Variants in KCNIP4 observed in about 807,000 individuals in gnomAD.
KCNIP4 encodes the protein potassium voltage-gated channel interacting protein 4.
A neutral mutation model predicts 34.0 loss-of-function variants in KCNIP4; 12 were observed. That is an observed-to-expected ratio of 0.35 (90% CI 0.23 to 0.57). KCNIP4 has a LOEUF of 0.57. Ranked by LOEUF, KCNIP4 falls within the 20% of genes least tolerant of loss-of-function variation. The probability of loss-of-function intolerance (pLI) is 0.83; values close to 1 mark genes in which losing one functional copy is unlikely to be tolerated. For missense variants in KCNIP4, 238 were observed against 311.7 expected (o/e 0.76, Z 1.78); for synonymous variants, 124 against 102.2 (o/e 1.21, Z -1.29).
intron 1 of KCNIP4, among the ~76,000 whole-genome samples, chr4:21,736,140 C>T (rs898668903): frequency 2.6e-5 from 4 of 152,158 alleles, no homozygotes; most frequent in African/African-American, 9.7e-5. Context: ...CTCTCAACTC[C>T]TATTTGGATT....
chr4:20,858,434 C>G (rs752426693), intron 2 of KCNIP4, among the ~76,000 whole-genome samples: 1 of 152,032 alleles, frequency 6.6e-6, no homozygotes, highest in Admixed American at 6.6e-5. Context: ...ATATATCTAC[C>G]TATATTCAAA....
At chr4:21,757,904 T>C (rs752135460) in intron 1 of KCNIP4, among the ~76,000 whole-genome samples, 2 of 152,174 alleles carry the variant, frequency 1.3e-5, no homozygotes, top group Non-Finnish European at 2.9e-5. Flanking sequence ...TCCATGCAGA[T>C]GAAAAGACAT....
intron 1 of KCNIP4, among the ~76,000 whole-genome samples, chr4:21,541,389 T>A (rs563528059): frequency 1.3e-5 from 2 of 152,226 alleles, no homozygotes; most frequent in Admixed American, 6.5e-5. Flanking sequence ...CCCTTTTCCT[T>A]TCCCTGAGGG....
chr4:21,544,463 T>C (rs1737972646), intron 1 of KCNIP4: 2 of 152,216 alleles, frequency 1.3e-5, no homozygotes, highest in South Asian at 4.1e-4. Context: ...GAAATCCAAG[T>C]ATAGCTGGCT....
chr4:20,888,623 C>G (rs927600334), intron 1 of KCNIP4, among the ~76,000 whole-genome samples: 1 of 152,084 alleles, frequency 6.6e-6, no homozygotes, highest in Non-Finnish European at 1.5e-5. Flanking sequence ...AGACTAAACA[C>G]TCTTTGTTTT....
chr4:21,403,900 C>T (rs962407048), intron 1 of KCNIP4, among the ~76,000 whole-genome samples: 1 of 152,154 alleles, frequency 6.6e-6, no homozygotes. Flanking sequence ...GAGCACTAAT[C>T]CCATCCATGA....
At chr4:21,485,373 A>G (rs1374970467) in intron 1 of KCNIP4, among the ~76,000 whole-genome samples, 1 of 152,022 alleles carries the variant, frequency 6.6e-6, no homozygotes, top group Non-Finnish European at 1.5e-5. Flanking sequence ...GCTCTTGTCT[A>G]TGTCTCTAAA....
intron 1 of KCNIP4, among the ~76,000 whole-genome samples, chr4:20,888,064 C>T (rs766910620): frequency 1.1e-4 from 17 of 151,316 alleles, no homozygotes; most frequent in Middle Eastern, 3.5e-3. Flanking sequence ...TCTCTAGATA[C>T]AAGGGAAGCA....
At chr4:21,337,435 G>C (rs1301764418) in intron 1 of KCNIP4, among the ~76,000 whole-genome samples, 1 of 152,120 alleles carries the variant, frequency 6.6e-6, no homozygotes, top group Non-Finnish European at 1.5e-5. Context: ...GAAATGGAAA[G>C]AAGCATTGCA....
chr4:21,883,940 T>C (rs566237060), intron 1 of KCNIP4, among the ~76,000 whole-genome samples: 1 of 152,152 alleles, frequency 6.6e-6, no homozygotes. Context: ...ACATTAAATA[T>C]TTCTGTTGTT....
chr4:20,783,872 A>T (rs896576249), intron 3 of KCNIP4, among the ~76,000 whole-genome samples: 4 of 152,168 alleles, frequency 2.6e-5, no homozygotes, highest in African/African-American at 9.7e-5. Context: ...ACCATAAAGG[A>T]TCCATTTCAT....
At chr4:20,899,032 C>T (rs1164832564) in intron 1 of KCNIP4, among the ~76,000 whole-genome samples, 1 of 152,166 alleles carries the variant, frequency 6.6e-6, no homozygotes, top group Non-Finnish European at 1.5e-5. Context: ...GATTTTTGTA[C>T]ATTCTTGGCA....
At chr4:21,086,084 G>A (rs1353331396) in intron 1 of KCNIP4, among the ~76,000 whole-genome samples, 2 of 152,056 alleles carry the variant, frequency 1.3e-5, no homozygotes, top group Admixed American at 1.3e-4. Context: ...TAGATATAGT[G>A]GAGCAAAAAA....
intron 1 of KCNIP4, among the ~76,000 whole-genome samples, chr4:20,981,512 T>C (rs917487887): frequency 6.6e-6 from 1 of 152,228 alleles, no homozygotes; most frequent in Non-Finnish European, 1.5e-5. Flanking sequence ...AAAAGTATGT[T>C]GTAGTAGGAA....
intron 1 of KCNIP4, among the ~76,000 whole-genome samples, chr4:21,409,977 T>A (rs537201140): frequency 6.6e-6 from 1 of 152,118 alleles, no homozygotes; most frequent in Non-Finnish European, 1.5e-5. Flanking sequence ...CCTGGTTGAA[T>A]GGGAACATAT....
chr4:21,879,081 A>G (rs1379429718), intron 1 of KCNIP4, among the ~76,000 whole-genome samples: 1 of 152,150 alleles, frequency 6.6e-6, no homozygotes, highest in African/African-American at 2.4e-5. Context: ...CTTTCATAAA[A>G]TCATTATGAT....
intron 1 of KCNIP4, among the ~76,000 whole-genome samples, chr4:21,247,914 C>CACACACATATATATAT (rs1483052147): frequency 1.5e-5 from 2 of 136,458 alleles, no homozygotes; most frequent in African/African-American, 5.8e-5. Context: ...TATATACACA[C>CACACACATATATATAT]ACACACATAT....
At chr4:21,685,963 A>G (rs1237025018) in intron 1 of KCNIP4, among the ~76,000 whole-genome samples, 1 of 152,244 alleles carries the variant, frequency 6.6e-6, no homozygotes, top group Admixed American at 6.5e-5. Flanking sequence ...GACACAGCAT[A>G]AAACTGATCT....
At chr4:21,055,776 A>G (rs1743345984) in intron 1 of KCNIP4, among the ~76,000 whole-genome samples, 1 of 152,202 alleles carries the variant, frequency 6.6e-6, no homozygotes, top group Admixed American at 6.5e-5. Context: ...GTGGCTACCA[A>G]GGGTTGGCAG....
Sources: allele counts gnomAD v4.1 joint callset (sites outside exome capture counted in the v4.1 genomes callset), GRCh38; gene constraint gnomAD v4.1.1; transcripts MANE v1.5; gene names NCBI Gene and HGNC (gene_info 2026-07-23, HGNC 2026-07-21).